Variants in MGMT observed in about 807,000 individuals in gnomAD.
MGMT encodes the protein O-6-methylguanine-DNA methyltransferase.
MGMT carries 14 observed loss-of-function variants against 15.9 expected under a neutral mutation model. That is an observed-to-expected ratio of 0.88 (90% CI 0.58 to 1.37). The LOEUF (loss-of-function observed/expected upper bound fraction) is 1.37, where lower values mean the gene tolerates loss of function less well. Among genes scored for constraint, MGMT ranks in the 40% most tolerant of loss-of-function variants. MGMT has a pLI of 0.00. For synonymous variants in MGMT, 130 were observed against 118.2 expected (o/e 1.10, Z -0.65); for missense variants, 282 against 268.1 (o/e 1.05, Z -0.36).
At chr10:129,761,709 G>A (rs1005194255) in intron 4 of MGMT, among the ~76,000 whole-genome samples, 2 of 152,224 alleles carry the variant, frequency 1.3e-5, no homozygotes, top group African/African-American at 4.8e-5. Context: ...AAGACTGGAG[G>A]TGAGCACAGC....
chr10:129,657,414 G>C (rs1026358676), intron 2 of MGMT, among the ~76,000 whole-genome samples: 1 of 151,184 alleles, frequency 6.6e-6, no homozygotes, highest in East Asian at 2.0e-4. Context: ...GGGGTGGGGG[G>C]GGGAGCAACA....
chr10:129,512,563 C>G (rs571452753), intron 1 of MGMT, among the ~76,000 whole-genome samples: 5 of 151,980 alleles, frequency 3.3e-5, no homozygotes, highest in Non-Finnish European at 5.9e-5. Flanking sequence ...TTGCAGGGCT[C>G]TTGTAAGGAT....
At chr10:129,708,900 C>G (rs1848198948) in intron 3 of MGMT, among the ~76,000 whole-genome samples, 1 of 152,200 alleles carries the variant, frequency 6.6e-6, no homozygotes, top group African/African-American at 2.4e-5. Context: ...ATTCTAATTG[C>G]TGCGGTGCTT....
At chr10:129,530,402 G>A (rs1040954503) in intron 1 of MGMT, among the ~76,000 whole-genome samples, 6 of 152,186 alleles carry the variant, frequency 3.9e-5, no homozygotes, top group African/African-American at 1.4e-4. Context: ...TACTTTTTGT[G>A]GGTAATTTTT....
intron 2 of MGMT, among the ~76,000 whole-genome samples, chr10:129,554,456 T>C (rs573169680): frequency 8.5e-5 from 13 of 152,348 alleles, no homozygotes; most frequent in African/African-American, 2.2e-4. Flanking sequence ...TGCTTGGTTC[T>C]TTGTTAAGGC....
At chr10:129,633,318 G>T (rs999242844) in intron 2 of MGMT, among the ~76,000 whole-genome samples, 2 of 152,184 alleles carry the variant, frequency 1.3e-5, no homozygotes, top group African/African-American at 4.8e-5. Context: ...TCACCAAACC[G>T]AGTCAGCATC....
intron 2 of MGMT, among the ~76,000 whole-genome samples, chr10:129,654,692 T>C (rs1847503733): frequency 2.0e-5 from 3 of 151,944 alleles, no homozygotes; most frequent in Admixed American, 6.6e-5. Context: ...TGCAAGCCTC[T>C]TGAGGTATGA....
chr10:129,632,460 C>T (rs563726582), intron 2 of MGMT, among the ~76,000 whole-genome samples: 65 of 143,102 alleles, frequency 4.5e-4, no homozygotes, highest in Admixed American at 1.1e-3. Context: ...TCACGTGAGA[C>T]TTCGCCAGTA....
intron 2 of MGMT, among the ~76,000 whole-genome samples, chr10:129,664,066 T>C (rs1215065386): frequency 5.3e-5 from 8 of 152,174 alleles, no homozygotes. Flanking sequence ...CCAATGAATA[T>C]TAGTGAATAG....
chr10:129,660,808 A>G (rs540926885), intron 2 of MGMT, among the ~76,000 whole-genome samples: 47 of 152,224 alleles, frequency 3.1e-4, no homozygotes, highest in African/African-American at 1.1e-3. Flanking sequence ...ACGCACACAC[A>G]TGCACAGTTT....
At chr10:129,522,622 A>G (rs1196772011) in intron 1 of MGMT, among the ~76,000 whole-genome samples, 2 of 152,246 alleles carry the variant, frequency 1.3e-5, no homozygotes, top group Non-Finnish European at 2.9e-5. Flanking sequence ...TACAAATTCC[A>G]TCCCAGTGCA....
intron 3 of MGMT, among the ~76,000 whole-genome samples, chr10:129,729,504 G>A (rs569727991): frequency 9.9e-5 from 15 of 152,172 alleles, no homozygotes; most frequent in Non-Finnish European, 1.5e-4. Context: ...CAGCTGTGCC[G>A]TTGGAGCCGG....
intron 4 of MGMT, among the ~76,000 whole-genome samples, chr10:129,761,698 C>T (rs1294745759): frequency 1.3e-5 from 2 of 152,188 alleles, no homozygotes; most frequent in African/African-American, 4.8e-5. Context: ...ATGGCAAAGC[C>T]AAGACTGGAG....
At chr10:129,574,004 A>G (rs1421716426) in intron 2 of MGMT, among the ~76,000 whole-genome samples, 1 of 152,238 alleles carries the variant, frequency 6.6e-6, no homozygotes, top group Non-Finnish European at 1.5e-5. Flanking sequence ...TTACTGTGGA[A>G]TCCCAAGGGC....
At chr10:129,726,885 T>C (rs1231358216) in intron 3 of MGMT, among the ~76,000 whole-genome samples, 2 of 152,214 alleles carry the variant, frequency 1.3e-5, no homozygotes, top group Admixed American at 1.3e-4. Flanking sequence ...TTTGTTACTG[T>C]TTAAAGTCCA....
At chr10:129,597,762 C>A (rs1322886815) in intron 2 of MGMT, among the ~76,000 whole-genome samples, 3 of 152,148 alleles carry the variant, frequency 2.0e-5, no homozygotes, top group Admixed American at 6.5e-5. Flanking sequence ...TGAGTAGAGA[C>A]CTCACAGGCC....
intron 1 of MGMT, among the ~76,000 whole-genome samples, chr10:129,527,257 G>A (rs569876571): frequency 7.2e-5 from 11 of 152,330 alleles, no homozygotes; most frequent in Middle Eastern, 3.4e-3. Context: ...TCAGCAACAC[G>A]GCTGTCCCAT....
chr10:129,678,947 C>T (rs1455016373), intron 2 of MGMT, among the ~76,000 whole-genome samples: 1 of 151,972 alleles, frequency 6.6e-6, no homozygotes, highest in East Asian at 1.9e-4. Flanking sequence ...GTGGTGCACA[C>T]CTGTAATCCC....
intron 2 of MGMT, among the ~76,000 whole-genome samples, chr10:129,655,806 A>G (rs1240035603): frequency 6.6e-6 from 1 of 152,208 alleles, no homozygotes; most frequent in African/African-American, 2.4e-5. Context: ...TGCTCTCTAA[A>G]TCTTGCAAAA....
Sources: allele counts gnomAD v4.1 joint callset (sites outside exome capture counted in the v4.1 genomes callset), GRCh38; gene constraint gnomAD v4.1.1; transcripts MANE v1.5; gene names NCBI Gene and HGNC (gene_info 2026-07-23, HGNC 2026-07-21).